The following SLC16A5 variants were observed in gnomAD, a reference collection of about 807,000 sequenced individuals.
The protein encoded by SLC16A5 is monocarboxylate transporter 6.
In SLC16A5, 29 loss-of-function variants were observed where a neutral mutation model predicts 33.2. The ratio of observed to expected loss-of-function variants is 0.87; its 90% CI spans 0.65 to 1.19. The LOEUF (loss-of-function observed/expected upper bound fraction) is 1.19, where lower values mean the gene tolerates loss of function less well. SLC16A5 is among the 50% of genes most tolerant of loss of function. The pLI is 0.00. For missense variants in SLC16A5, 606 were observed against 678.2 expected (o/e 0.89, Z 1.18); for synonymous variants, 248 against 284.1 (o/e 0.87, Z 1.28).
upstream of SLC16A5, chr17:75,087,851 A>G (rs28688213): frequency 0.079 from 12,011 of 152,214 alleles, 1,568 homozygotes; most frequent in African/African-American, 0.27. Context: ...CCCCTCCCGC[A>G]TCCTGGCCCC....
At chr17:75,109,785 C>T (rs1269660843), downstream of SLC16A5, among the ~76,000 whole-genome samples, 1 of 152,258 alleles carries the variant, frequency 6.6e-6, no homozygotes, top group Admixed American at 6.5e-5. The surrounding 1 kb of genome is among the most constrained non-coding windows in gnomAD (Gnocchi z 5.0). Flanking sequence ...CCAGGCTGCT[C>T]CTCGCAGTAC....
chr17:75,099,990 C>T lies in SLC16A5; in HGVS notation c.344-17C>T. On this transcript the variant is annotated splice_polypyrimidine_tract_variant and intron_variant, in intron 4 of 6. Transcript: ENST00000329783. ...CCCCAGTGCGCCTCCAGGCTGGTTT[C>T]CCCTCTTGCCCCGCAGGCCTGGGCA... is the stretch of plus-strand genomic sequence containing the variant. 1 of 1,597,880 alleles carries T rather than the reference C, an allele frequency of 6.3e-7. No individual in the cohort carries two copies. The highest frequency in any genetic ancestry group is 1.1e-5 in the South Asian group (1 of 89,936).
intron 2 of SLC16A5, among the ~76,000 whole-genome samples, chr17:75,089,589 A>G (rs531663137): frequency 7.9e-4 from 120 of 152,028 alleles, no homozygotes; most frequent in African/African-American, 2.8e-3. Flanking sequence ...CCCCGTCTCT[A>G]CTAAAAATAC....
chr17:75,105,350 G>A (rs984559536), intron 6 of SLC16A5: 40 of 985,356 alleles, frequency 4.1e-5, no homozygotes, highest in Middle Eastern at 5.2e-4. Flanking sequence ...TTTGACTGAC[G>A]GGAGAGGAAG....
chr17:75,105,126 A>C, intron 6 of SLC16A5: 1 of 985,440 alleles, frequency 1.0e-6, no homozygotes, highest in Non-Finnish European at 1.2e-6. Context: ...TGGGCAGTGC[A>C]GAGGTCCAGG....
intron 3 of SLC16A5, among the ~76,000 whole-genome samples, chr17:75,094,910 G>T (rs534680648): frequency 6.6e-5 from 10 of 152,178 alleles, no homozygotes; most frequent in Non-Finnish European, 1.5e-4. Context: ...TGGGAGCAGG[G>T]CAGAGGGAGG....
At position 75,100,607 on chromosome 17, in the gene SLC16A5, A is replaced by T. The variant is rs776309484; in HGVS notation, c.944A>T (p.Asn315Ile). ...KYLFSLALLL[N>I]GLTNLVCAAS... ...CTGTTCAGCCTGGCACTCCTGCTCAATGGGCTCACTAACCTGGTGTGTGCG... is the reference window on the plus strand; with the variant it reads ...CTGTTCAGCCTGGCACTCCTGCTCATTGGGCTCACTAACCTGGTGTGTGCG... Residue 315 changes from asparagine to isoleucine, a missense_variant, in exon 5 of 7, where the codon AAT (asparagine) becomes ATT (isoleucine). Asn to Ile is a moderately radical substitution (Grantham distance 149). Coordinates refer to ENST00000329783, the MANE Select transcript of SLC16A5 (RefSeq NM_004695.4). 9.3e-6 allele frequency: 15 copies of T among 1,614,132 alleles called. No individual in the cohort carries two copies. The highest frequency in any genetic ancestry group is 1.2e-5 in the Non-Finnish European group (14 of 1,180,014).
Position 75,100,095 on chromosome 17 carries a change from C to G in SLC16A5, c.432C>G (p.Ala144=), listed in dbSNP as rs914104438. Residue 144 remains alanine, a synonymous_variant, in exon 5 of 7, where the codon GCC becomes GCG. Transcript: ENST00000329783. ...GGCGGGTGCTGGCCAACGCGCTGGC[C>G]TCGATGGGCGTCTCCCTGGGCATCA... ...VRRRVLANAL[A]SMGVSLGITL... 1.2e-6 allele frequency: 2 copies of G among 1,613,934 alleles called. No individual in the cohort carries two copies. The highest frequency in any genetic ancestry group is 1.7e-6 in the Non-Finnish European group (2 of 1,180,014).
chr17:75,087,729 A>C (rs2073586737), upstream of SLC16A5: 1 of 152,226 alleles, frequency 6.6e-6, no homozygotes, highest in South Asian at 2.1e-4. Flanking sequence ...GGAAAACCAG[A>C]AGCTAGAAAG....
intron 4 of SLC16A5, among the ~76,000 whole-genome samples, chr17:75,099,490 C>G (rs538121955): frequency 6.6e-6 from 1 of 152,130 alleles, no homozygotes; most frequent in South Asian, 2.1e-4. Context: ...AATCTCAGCT[C>G]ACTGCAACCT....
rs1598142868 is a variant in SLC16A5, at chr17:75,089,241, A to T, written c.-112A>T. On this transcript the variant is annotated 5_prime_UTR_variant, in exon 2 of 7. Coordinates refer to ENST00000329783, the MANE Select transcript of SLC16A5 (RefSeq NM_004695.4). ...TCTGCCCTGCTTGAGTCTGGAATGG[A>T]CCTCCCTGCCTGGAAGCTGCATTGC... 1 of 152,078 alleles carries T rather than the reference A, an allele frequency of 6.6e-6. No individual in the cohort carries two copies. Among genetic ancestry groups the T allele is most frequent in the Non-Finnish European group, 1.5e-5 (1 of 68,208 alleles). 9.4% of individuals were successfully genotyped at this position (152,078 alleles called of 1,614,324 possible). A position where few individuals can be genotyped will look rare whatever the true frequency, so the allele number is the denominator to read the frequency against.
At chr17:75,094,518 C>T (rs955821051) in intron 3 of SLC16A5, among the ~76,000 whole-genome samples, 1 of 152,110 alleles carries the variant, frequency 6.6e-6, no homozygotes, top group African/African-American at 2.4e-5. Flanking sequence ...GAAACCCTGT[C>T]TCTACTGAAA....
intron 4 of SLC16A5, among the ~76,000 whole-genome samples, chr17:75,098,478 C>T (rs991033434): frequency 1.3e-5 from 2 of 152,064 alleles, no homozygotes; most frequent in Non-Finnish European, 2.9e-5. Context: ...GCAGGAGAAT[C>T]GCCCGGGAAG....
In SLC16A5 at chr17:75,093,847, A is replaced by G; in HGVS notation, c.199+12A>G. On this transcript the variant is annotated intron_variant, in intron 3 of 6. Coordinates refer to ENST00000329783, the MANE Select transcript of SLC16A5 (RefSeq NM_004695.4). ...GCTCCACATGGCAGGTGAGCGGCCT[A>G]GGGAGGGGCCGATGAGAAAGTCCTA... 1.2e-6 allele frequency: 2 copies of G among 1,611,018 alleles called. No homozygotes were observed. The highest frequency in any genetic ancestry group is 2.2e-5 in the South Asian group (2 of 90,940).
rs1453296669 is a variant in SLC16A5 at position 75,104,688 on chromosome 17, G to T, written c.1364+508G>T. The T allele has an allele frequency of 7.2e-6, 6 of 834,072 alleles. No individual in the cohort carries two copies. In the East Asian group the frequency reaches 7.4e-4, roughly 103 times the overall value. The allele number at this position is 834,072 out of a possible 1,614,324, so 51.7% of individuals were successfully genotyped here. ...TGGTCTCCAACTTCCGACCTCAGGT[G>T]ATCTGCCCACCTCAGCCTCCCAAAG... On this transcript the variant is annotated intron_variant, in intron 6 of 6. Transcript: ENST00000329783.
At position 75,105,890 on chromosome 17, in the gene SLC16A5, T is replaced by G; in HGVS notation, c.1375T>G (p.Ser459Ala). The G allele has an allele frequency of 1.2e-6, 2 of 1,602,436 alleles. No homozygotes were observed. The highest frequency in any genetic ancestry group is 1.7e-6 in the Non-Finnish European group (2 of 1,172,070). Residue 459 changes from serine to alanine, a missense_variant, in exon 7 of 7, where the codon TCC becomes GCC. By Grantham distance (99) the Ser-to-Ala change is moderately conservative. Coordinates refer to ENST00000329783, the MANE Select transcript of SLC16A5 (RefSeq NM_004695.4). ...QRSPEIMCQS[S>A]RQPRPAGVNK... ...TATTTTCATGAACAGGTGCCAGTCT[T>G]CCCGCCAGCCACGTCCAGCTGGCGT...
chr17:75,104,169 C>T lies in SLC16A5; in HGVS notation c.1353C>T (p.Ser451=), dbSNP rs777217290. 5 of 1,613,910 alleles carry T rather than the reference C, an allele frequency of 3.1e-6. No individual in the cohort carries two copies. The Admixed American group carries it at 8.3e-5, about 27-fold the overall frequency. The part of the protein sequence containing the change: ...EAKDGPGKQR[S]PEIMCQSSRQ... ...AAGACGGTCCTGGGAAGCAACGGTC[C>T]CCTGAGATCATGTATGTAACCAGCG... is the stretch of plus-strand genomic sequence containing the variant. The change falls in exon 6 of 7, where the codon TCC becomes TCT. Residue 451 remains serine (S), a synonymous_variant. Transcript: ENST00000329783.
downstream of SLC16A5, among the ~76,000 whole-genome samples, chr17:75,109,045 C>T (rs557364368): frequency 1.3e-5 from 2 of 152,314 alleles, no homozygotes; most frequent in South Asian, 4.1e-4. The surrounding 1 kb of genome is among the most constrained non-coding windows in gnomAD (Gnocchi z 5.0). Flanking sequence ...ACCTCTACCC[C>T]TACGTTGTCA....
chr17:75,094,790 A>G (rs2073694253), intron 3 of SLC16A5, among the ~76,000 whole-genome samples: 1 of 152,084 alleles, frequency 6.6e-6, no homozygotes, highest in Admixed American at 6.5e-5. Context: ...TGAGGGAGGA[A>G]GGCAGCCCCT....
Sources: allele counts gnomAD v4.1 joint callset (sites outside exome capture counted in the v4.1 genomes callset), GRCh38; gene constraint gnomAD v4.1.1; non-coding constraint Gnocchi (gnomAD v3.1); transcripts MANE v1.5; gene names NCBI Gene and HGNC (gene_info 2026-07-23, HGNC 2026-07-21).